TBC1D2B: variants seen among roughly 807,000 people sequenced by gnomAD.
The protein encoded by TBC1D2B is TBC1 domain family member 2B, also known as TBC1 domain family, member 2B.
A neutral mutation model predicts 100.8 loss-of-function variants in TBC1D2B; 64 were observed. The ratio of observed to expected loss-of-function variants is 0.64; its 90% CI spans 0.52 to 0.78. The LOEUF (loss-of-function observed/expected upper bound fraction) is 0.78, where lower values mean the gene tolerates loss of function less well. Among genes scored for constraint, TBC1D2B ranks in the 30% least tolerant of loss-of-function variants. The probability of loss-of-function intolerance (pLI) is 0.00; values close to 1 mark genes in which losing one functional copy is unlikely to be tolerated. For missense variants in TBC1D2B, 1,052 were observed against 1,218.4 expected (o/e 0.86, Z 2.03); for synonymous variants, 480 against 479.7 (o/e 1.00, Z -0.01).
intron 1 of TBC1D2B, among the ~76,000 whole-genome samples, chr15:78,071,451 T>C (rs2141847171): frequency 6.6e-6 from 1 of 152,322 alleles, no homozygotes; most frequent in East Asian, 1.9e-4. Context: ...TAAAATAGTA[T>C]GTGGCCCTTT....
At chr15:78,013,442 T>C in intron 8 of TBC1D2B, 125 bp from the exon 9 acceptor site, 1 of 921,102 alleles carries the variant, frequency 1.1e-6, no homozygotes, top group East Asian at 2.6e-5. Flanking sequence ...ATGAGAAGCA[T>C]TTCAAATCAG....
chr15:78,050,936 C>A (rs2073300815), intron 2 of TBC1D2B, among the ~76,000 whole-genome samples: 1 of 152,236 alleles, frequency 6.6e-6, no homozygotes, highest in South Asian at 2.1e-4. Context: ...GCTTCCCAGA[C>A]TCCTTCCAGC....
chr15:78,040,034 CAGCGCTGCTGCAGCCTA>C (rs2073038758), intron 3 of TBC1D2B, among the ~76,000 whole-genome samples: 1 of 152,228 alleles, frequency 6.6e-6, no homozygotes, highest in African/African-American at 2.4e-5. Flanking sequence ...TGACTGCTGT[CAGCGCTGCTGCAGCCTA>C]AGCACACCTC....
At chr15:78,003,276 C>A in intron 11 of TBC1D2B, 29 bp downstream of exon 11, 1 of 1,604,430 alleles carries the variant, frequency 6.2e-7, no homozygotes, top group Non-Finnish European at 8.5e-7. Flanking sequence ...GTGTGTATAT[C>A]TGAAAATAGC....
In TBC1D2B at chr15:78,029,962, G is replaced by T. The variant is rs376850687; in HGVS notation, c.847+45C>A. On this transcript the variant is annotated intron_variant, in intron 4 of 12. Transcript: ENST00000300584. ...GTCTCCACATCACTGGTGGTTAACA[G>T]ATGGCAGTACAGAGAATGACAGACA... 4 of 1,509,338 alleles carry T rather than the reference G, an allele frequency of 2.7e-6. No individual in the cohort carries two copies. In the African/African-American group the frequency reaches 5.6e-5, roughly 21 times the overall value. 93.5% of individuals were successfully genotyped at this position (1,509,338 alleles called of 1,614,324 possible). A position where few individuals can be genotyped will look rare whatever the true frequency, so the allele number is the denominator to read the frequency against.
intron 2 of TBC1D2B, among the ~76,000 whole-genome samples, chr15:78,046,706 A>G (rs2073202910): frequency 6.6e-6 from 1 of 152,112 alleles, no homozygotes; most frequent in East Asian, 1.9e-4. Context: ...GCCTGGGTTC[A>G]AGCAATTCTT....
intron 3 of TBC1D2B, chr15:78,034,566 C>T (rs1024595378): frequency 6.5e-5 from 64 of 985,234 alleles, no homozygotes; most frequent in South Asian, 9.4e-5. Flanking sequence ...CACCCCCACA[C>T]GGCCTGGGGA....
At chr15:78,074,897 A>G (rs1227894827) in intron 1 of TBC1D2B, among the ~76,000 whole-genome samples, 1 of 152,202 alleles carries the variant, frequency 6.6e-6, no homozygotes, top group Admixed American at 6.5e-5. Flanking sequence ...AATACACTAC[A>G]TATTTGGCCA....
intron 9 of TBC1D2B, among the ~76,000 whole-genome samples, chr15:78,011,470 CT>C (rs201268185): frequency 0.027 from 3,481 of 130,336 alleles, 40 homozygotes; most frequent in Non-Finnish European, 0.031. Flanking sequence ...TTATCCATAT[CT>C]TTTTTTTTTT....
At chr15:78,044,506 A>C (rs918119625) in intron 3 of TBC1D2B, among the ~76,000 whole-genome samples, 5 of 152,188 alleles carry the variant, frequency 3.3e-5, no homozygotes, top group Non-Finnish European at 7.3e-5. Flanking sequence ...GGAAATCCAG[A>C]GCACAGGACG....
chr15:78,019,888 C>CAA (rs75813219), intron 6 of TBC1D2B, among the ~76,000 whole-genome samples: 3 of 117,626 alleles, frequency 2.6e-5, no homozygotes, highest in African/African-American at 3.1e-5. Flanking sequence ...GACTCTGTAT[C>CAA]AAAAAAAAAA....
At chr15:78,035,499 G>A (rs1008262423) in intron 3 of TBC1D2B, among the ~76,000 whole-genome samples, 3 of 152,196 alleles carry the variant, frequency 2.0e-5, no homozygotes, top group Admixed American at 6.5e-5. Context: ...CACTTGCCAG[G>A]ACTTTGTGCA....
At chr15:78,042,105 A>G (rs11639164) in intron 3 of TBC1D2B, among the ~76,000 whole-genome samples, 9,648 of 152,244 alleles carry the variant, frequency 0.063, 480 homozygotes, top group African/African-American at 0.13. Flanking sequence ...CTCCTACACT[A>G]GATTTTTCAC....
chr15:78,035,614 G>C (rs542088258), intron 3 of TBC1D2B, among the ~76,000 whole-genome samples: 2 of 152,330 alleles, frequency 1.3e-5, no homozygotes, highest in African/African-American at 2.4e-5. Flanking sequence ...AGGTTGTGTG[G>C]GGGGGTTTCC....
At chr15:78,038,057 G>T (rs1344529482) in intron 3 of TBC1D2B, among the ~76,000 whole-genome samples, 4 of 152,096 alleles carry the variant, frequency 2.6e-5, no homozygotes, top group African/African-American at 9.7e-5. Flanking sequence ...GAGTATAAAG[G>T]GCAGAGGATG....
intron 2 of TBC1D2B, chr15:78,053,830 C>T (rs918446137): frequency 1.8e-6 from 1 of 560,104 alleles, no homozygotes; most frequent in Non-Finnish European, 3.1e-6. Context: ...TTGGCACTGG[C>T]CTTGCCTGAT....
intron 1 of TBC1D2B, among the ~76,000 whole-genome samples, chr15:78,057,983 A>G (rs2073461292): frequency 6.6e-6 from 1 of 152,226 alleles, no homozygotes; most frequent in African/African-American, 2.4e-5. Context: ...TTATCGCCCC[A>G]GTCCCAGGAA....
chr15:78,007,184 C>T (rs1413588920), intron 10 of TBC1D2B, among the ~76,000 whole-genome samples: 1 of 152,206 alleles, frequency 6.6e-6, no homozygotes, highest in Non-Finnish European at 1.5e-5. Flanking sequence ...AACACACGCC[C>T]CATCAGCGGG....
chr15:78,043,269 G>A (rs950002958), intron 3 of TBC1D2B, among the ~76,000 whole-genome samples: 3 of 152,208 alleles, frequency 2.0e-5, no homozygotes, highest in African/African-American at 7.2e-5. Context: ...GCCCCATCCT[G>A]AAAAACCAGT....
Sources: allele counts gnomAD v4.1 joint callset (sites outside exome capture counted in the v4.1 genomes callset), GRCh38; gene constraint gnomAD v4.1.1; transcripts MANE v1.5; gene names NCBI Gene and HGNC (gene_info 2026-07-23, HGNC 2026-07-21).